PTP4A1: variants seen among roughly 807,000 people sequenced by gnomAD.
The protein encoded by PTP4A1 is protein tyrosine phosphatase 4A1.
In PTP4A1, 9 loss-of-function variants were observed where a neutral mutation model predicts 20.5. That is an observed-to-expected ratio of 0.44 (90% CI 0.26 to 0.77). The LOEUF (loss-of-function observed/expected upper bound fraction) is 0.77. Among genes scored for constraint, PTP4A1 ranks in the 30% least tolerant of loss-of-function variants. The probability of loss-of-function intolerance (pLI) is 0.19; values close to 1 mark genes in which losing one functional copy is unlikely to be tolerated. For missense variants in PTP4A1, 137 were observed against 218.8 expected (o/e 0.63, Z 2.36); for synonymous variants, 78 against 67.4 (o/e 1.16, Z -0.77).
chr6:63,572,488 G>A lies in PTP4A1; in HGVS notation c.-677G>A. 1 of 389,424 alleles carries A rather than the reference G, an allele frequency of 2.6e-6. No homozygotes were observed. The highest frequency in any genetic ancestry group is 4.5e-6 in the Non-Finnish European group (1 of 220,128). 24.1% of individuals were successfully genotyped at this position (389,424 alleles called of 1,614,324 possible). A position where few individuals can be genotyped will look rare whatever the true frequency, so the allele number is the denominator to read the frequency against. On this transcript the variant is annotated 5_prime_UTR_variant, in exon 1 of 6. Transcript: ENST00000626021. ...GCTTGTGACGCAAGGGCGCCTCGGC[G>A]CGTGTATTGGCTCCTTCGGCTGCGG... is the stretch of plus-strand genomic sequence containing the variant.
intron 2 of PTP4A1, among the ~76,000 whole-genome samples, 192 bp from the exon 3 acceptor site, chr6:63,578,240 ACTTTT>A (rs1581950290): frequency 6.6e-6 from 1 of 152,200 alleles, no homozygotes; most frequent in Non-Finnish European, 1.5e-5. Flanking sequence ...TTTAATATTC[ACTTTT>A]CTTTTTATAT....
intron 2 of PTP4A1, among the ~76,000 whole-genome samples, chr6:63,548,296 G>T (rs890422688): frequency 3.3e-5 from 5 of 152,130 alleles, no homozygotes; most frequent in African/African-American, 1.2e-4. Flanking sequence ...CTGTACCTCA[G>T]TTTCCTCATC....
At position 63,526,803 on chromosome 6, in the gene PTP4A1, G is replaced by GTATATATATATA. The variant is rs376671990; in HGVS notation, c.-905-994_-905-983dup. The stretch of plus-strand genomic sequence containing the variant: ...CAGAGCAAGACTCTATCTCAAAAAT[G>GTATATATATATA]TATATATATATATATATATATATAT... On this transcript the variant is annotated intron_variant, in intron 1 of 3. Transcript: ENST00000639568. Among the ~76,000 whole-genome samples the GTATATATATATA allele has an allele frequency of 6.7e-3, 681 of 101,346 alleles. 6 individuals are homozygous for GTATATATATATA. The highest frequency in any genetic ancestry group is 0.012 in the African/African-American group (269 of 22,932). The allele number at this position is 101,346 out of a possible 152,430, so 66.5% of individuals were successfully genotyped here.
intron 2 of PTP4A1, among the ~76,000 whole-genome samples, chr6:63,577,221 A>C (rs1283282149): frequency 2.0e-4 from 30 of 152,372 alleles, no homozygotes; most frequent in African/African-American, 7.0e-4. Context: ...GTATGTGGAC[A>C]GTAAAACAGT....
upstream of PTP4A1, chr6:63,570,858 C>T (rs139428073): frequency 7.2e-5 from 11 of 152,258 alleles, no homozygotes; most frequent in East Asian, 1.7e-3. Context: ...TTGTCAAAAG[C>T]CTTTTGCCAT....
At position 63,576,873 on chromosome 6, in the gene PTP4A1, A is replaced by G; in HGVS notation, c.-8A>G. The G allele has an allele frequency of 6.2e-7, 1 of 1,606,426 alleles. No individual in the cohort carries two copies. Among genetic ancestry groups the G allele is most frequent in the Non-Finnish European group, 8.5e-7 (1 of 1,177,234 alleles). ...TAACCCTATTGAGTGTTTTTTAACT[A>G]AATTAACATGGCTCGAATGAACCGC... On this transcript the variant is annotated 5_prime_UTR_variant, in exon 2 of 6. Transcript: ENST00000626021.
chr6:63,572,622 GCCTCCTGCCCTGCAGCCACCGCCA>G lies in PTP4A1; in HGVS notation c.-540_-517del. ...CCGCCGCTCCGCCACGACCACCGCC[GCCTCCTGCCCTGCAGCCACCGCCA>G]CCGCCTGTGTCGCCGCCGCCTCGGG... On this transcript the variant is annotated 5_prime_UTR_variant, in exon 1 of 6. Coordinates refer to ENST00000626021, the MANE Select transcript of PTP4A1 (RefSeq NM_003463.5). The G allele has an allele frequency of 2.4e-6, 1 of 421,158 alleles. No individual in the cohort carries two copies. The allele number at this position is 421,158 out of a possible 1,614,324, so 26.1% of individuals were successfully genotyped here.
Position 63,580,813 on chromosome 6 carries a change from C to T in PTP4A1, c.*639C>T, listed in dbSNP as rs1275773128. The T allele has an allele frequency of 2.0e-5, 3 of 152,176 alleles. No individual in the cohort carries two copies. The highest frequency in any genetic ancestry group is 7.3e-5 in the African/African-American group (3 of 41,280). 9.4% of individuals were successfully genotyped at this position (152,176 alleles called of 1,614,324 possible). On this transcript the variant is annotated 3_prime_UTR_variant, in exon 6 of 6. Transcript: ENST00000626021. ...CTTTGTGCTGTATTAAAAAAACCTC[C>T]ATTTTGAAAATCTACGTTGTACAGA...
chr6:63,581,982 CAAAGTT>C lies in PTP4A1; in HGVS notation c.*1809_*1814del, dbSNP rs1778264412. On this transcript the variant is annotated 3_prime_UTR_variant, in exon 6 of 6. Coordinates refer to ENST00000626021, the MANE Select transcript of PTP4A1 (RefSeq NM_003463.5). ...ATAGCAGTTATAAATGTAAAGGACT[CAAAGTT>C]TAAGTAAAAAGTGATACTCCACCTT... 2 of 152,064 alleles carry C rather than the reference CAAAGTT, an allele frequency of 1.3e-5. No homozygotes were observed. Among genetic ancestry groups the C allele is most frequent in the Non-Finnish European group, 2.9e-5 (2 of 67,990 alleles). 9.4% of individuals were successfully genotyped at this position (152,064 alleles called of 1,614,324 possible).
chr6:63,546,952 A>T (rs1293639067), intron 2 of PTP4A1, among the ~76,000 whole-genome samples: 1 of 152,180 alleles, frequency 6.6e-6, no homozygotes, highest in Admixed American at 6.5e-5. Context: ...AATATATTTA[A>T]TTTTTGTCAA....
At chr6:63,557,893 T>C (rs1179681591) in intron 3 of PTP4A1, among the ~76,000 whole-genome samples, 2 of 151,892 alleles carry the variant, frequency 1.3e-5, no homozygotes, top group African/African-American at 2.4e-5. Context: ...ACTGAACATA[T>C]GCTTTTTTTT....
chr6:63,574,685 G>GA (rs1363901422), intron 1 of PTP4A1, among the ~76,000 whole-genome samples: 6 of 151,594 alleles, frequency 4.0e-5, no homozygotes, highest in African/African-American at 1.2e-4. Flanking sequence ...GCTTTTAATT[G>GA]AAAAAAAGGT....
intron 2 of PTP4A1, among the ~76,000 whole-genome samples, chr6:63,541,331 G>A (rs1053896472): frequency 1.3e-4 from 19 of 151,978 alleles, no homozygotes; most frequent in Admixed American, 1.1e-3. Flanking sequence ...AAGGCGGGTG[G>A]ATCATGAGGT....
chr6:63,529,381 A>G (rs1006202137), intron 2 of PTP4A1, among the ~76,000 whole-genome samples: 3 of 150,208 alleles, frequency 2.0e-5, no homozygotes, highest in Admixed American at 1.3e-4. Flanking sequence ...AATTTCCTAC[A>G]TCAATTCAAG....
intron 2 of PTP4A1, among the ~76,000 whole-genome samples, chr6:63,542,401 C>T (rs1009759415): frequency 2.4e-4 from 36 of 152,050 alleles, no homozygotes; most frequent in African/African-American, 8.2e-4. Context: ...CCAAACACCA[C>T]CTGTTCCCCA....
chr6:63,543,016 C>G (rs1243847560), intron 2 of PTP4A1, among the ~76,000 whole-genome samples: 4 of 152,164 alleles, frequency 2.6e-5, no homozygotes, highest in Non-Finnish European at 5.9e-5. Flanking sequence ...ATGAGTTCCA[C>G]TACCCATCAC....
At chr6:63,553,507 A>G (rs773314052) in intron 3 of PTP4A1, among the ~76,000 whole-genome samples, 2 of 152,210 alleles carry the variant, frequency 1.3e-5, no homozygotes, top group African/African-American at 2.4e-5. Context: ...AATGAAAGCC[A>G]GTTTGGTATC....
intron 2 of PTP4A1, among the ~76,000 whole-genome samples, chr6:63,541,010 G>A (rs28396397): frequency 0.092 from 12,857 of 139,866 alleles, 625 homozygotes; most frequent in East Asian, 0.16. Context: ...CAAAAAAAAG[G>A]AAGGAGGGAA....
intron 2 of PTP4A1, among the ~76,000 whole-genome samples, chr6:63,532,305 T>C (rs1021774601): frequency 2.6e-5 from 4 of 152,212 alleles, no homozygotes; most frequent in African/African-American, 9.6e-5. Context: ...GGTAAATCTC[T>C]ATTAAGTTGT....
Sources: gnomAD v4.1 joint callset for allele counts (sites outside exome capture counted in the v4.1 genomes callset) on GRCh38, gnomAD v4.1.1 for gene constraint, MANE v1.5 for transcripts, NCBI Gene and HGNC (gene_info 2026-07-23, HGNC 2026-07-21) for gene names.